Variants in TANC2 observed in about 807,000 individuals in gnomAD.
The protein encoded by TANC2 is tetratricopeptide repeat, ankyrin repeat and coiled-coil containing 2, also known as protein TANC2.
TANC2 carries 26 observed loss-of-function variants against 210.5 expected under a neutral mutation model. The observed-to-expected ratio is 0.12, with a 90% CI of 0.09 to 0.17. The LOEUF is 0.17. Among genes scored for constraint, TANC2 ranks in the 10% least tolerant of loss-of-function variants. TANC2 has a pLI of 1.00. For missense variants in TANC2, 2,129 were observed against 2,608.9 expected, an observed-to-expected ratio of 0.82 and a Z score of 4.01; for synonymous variants, 931 against 967.1, an observed-to-expected ratio of 0.96 and a Z score of 0.69.
rs1052113918 is a variant in TANC2 at position 62,983,301 on chromosome 17, G to A, written c.-24+16552G>A. Among the ~76,000 whole-genome samples the A allele has an allele frequency of 7.9e-5, 12 of 151,896 alleles. No individual in the cohort carries two copies. In the East Asian group the frequency reaches 1.2e-3, roughly 15 times the overall value. Reference sequence around the variant, plus strand: ...TATTTGTTTGAATTCGTTTGAATTCGTTTATTGAATTCGTTGATCAATTTT... The same window carrying A: ...TATTTGTTTGAATTCGTTTGAATTCATTTATTGAATTCGTTGATCAATTTT... On this transcript the variant is annotated intron_variant, in intron 1 of 27. Transcript: ENST00000689528.
chr17:63,348,434 C>A (rs2046487339), intron 12 of TANC2, among the ~76,000 whole-genome samples: 1 of 152,118 alleles, frequency 6.6e-6, no homozygotes, highest in Non-Finnish European at 1.5e-5. Context: ...CTTGGGAAAC[C>A]TTTTTAGTGA....
intron 1 of TANC2, among the ~76,000 whole-genome samples, chr17:62,987,917 C>T (rs944091841): frequency 1.3e-5 from 2 of 151,958 alleles, no homozygotes; most frequent in African/African-American, 2.4e-5. Context: ...TTGCCGTAGA[C>T]TTAATAGAAA....
At position 63,200,977 on chromosome 17, in the gene TANC2, G is replaced by A. The variant is rs759479827; in HGVS notation, c.769+20G>A. 1.6e-5 allele frequency: 26 copies of A among 1,577,866 alleles called. No individual in the cohort carries two copies. In the South Asian group the frequency reaches 2.9e-4, roughly 18 times the overall value. On this transcript the variant is annotated intron_variant, in intron 7 of 27. Transcript: ENST00000689528. Reference sequence around the variant, plus strand: ...TCATTGGTGAGTTGGTTTTTATATTGATAATTTTGTGTCCTTTTTTTCCTT... The same window carrying A: ...TCATTGGTGAGTTGGTTTTTATATTAATAATTTTGTGTCCTTTTTTTCCTT...
chr17:63,117,413 T>A (rs943739945), intron 4 of TANC2, among the ~76,000 whole-genome samples: 4 of 152,200 alleles, frequency 2.6e-5, no homozygotes, highest in Admixed American at 2.0e-4. Context: ...TCAACCAATC[T>A]AATGAAAAGA....
chr17:63,363,285 A>T (rs187146939), intron 14 of TANC2, among the ~76,000 whole-genome samples: 1 of 152,216 alleles, frequency 6.6e-6, no homozygotes, highest in Admixed American at 6.5e-5. Context: ...GTAGTTTGCA[A>T]GTATTTTCTT....
At chr17:63,414,837 G>A (rs1193452347) in intron 25 of TANC2, among the ~76,000 whole-genome samples, 2 of 152,204 alleles carry the variant, frequency 1.3e-5, no homozygotes, top group East Asian at 3.8e-4. Flanking sequence ...TGGAAGAAAA[G>A]TTCAAGGTCG....
intron 8 of TANC2, among the ~76,000 whole-genome samples, chr17:63,263,926 C>G (rs1353559909): frequency 6.6e-6 from 1 of 152,176 alleles, no homozygotes; most frequent in East Asian, 1.9e-4. Context: ...GCTATTGGTA[C>G]AATAATGCTG....
chr17:63,226,773 G>A (rs2042338695), intron 7 of TANC2, among the ~76,000 whole-genome samples: 2 of 151,958 alleles, frequency 1.3e-5, no homozygotes, highest in Non-Finnish European at 2.9e-5. Context: ...TCCCTGACAG[G>A]CCCCAGTGGT....
chr17:63,183,006 A>G (rs1476090947), intron 5 of TANC2, among the ~76,000 whole-genome samples: 1 of 152,240 alleles, frequency 6.6e-6, no homozygotes, highest in Non-Finnish European at 1.5e-5. Context: ...GTATTTATAA[A>G]CAGCTCATTG....
intron 11 of TANC2, among the ~76,000 whole-genome samples, chr17:63,319,498 G>A (rs1056997521): frequency 6.6e-6 from 1 of 152,032 alleles, no homozygotes; most frequent in Admixed American, 6.6e-5. Flanking sequence ...CTACAGGTGC[G>A]TGCCACCACA....
chr17:63,287,288 C>T (rs1220824510), intron 9 of TANC2, among the ~76,000 whole-genome samples: 1 of 152,096 alleles, frequency 6.6e-6, no homozygotes, highest in Non-Finnish European at 1.5e-5. Context: ...CTTATAGCTT[C>T]CTTGTTCATA....
chr17:63,298,595 C>G (rs995736611), intron 9 of TANC2, among the ~76,000 whole-genome samples: 1 of 152,008 alleles, frequency 6.6e-6, no homozygotes, highest in Non-Finnish European at 1.5e-5. Context: ...TGTTTTGGAA[C>G]TAGATAGAAG....
At chr17:63,252,727 C>G (rs2043085927) in intron 8 of TANC2, among the ~76,000 whole-genome samples, 1 of 152,140 alleles carries the variant, frequency 6.6e-6, no homozygotes, top group Non-Finnish European at 1.5e-5. Context: ...GGATCTTACT[C>G]TTTTTTATGT....
intron 2 of TANC2, among the ~76,000 whole-genome samples, chr17:63,025,859 A>AAAT (rs1340336801): frequency 1.3e-4 from 19 of 147,652 alleles, no homozygotes; most frequent in African/African-American, 4.6e-4. Flanking sequence ...AAATAAAATA[A>AAAT]AAAATAAAAT....
chr17:63,275,487 A>G (rs1257813180), intron 9 of TANC2, among the ~76,000 whole-genome samples: 8 of 152,174 alleles, frequency 5.3e-5, no homozygotes. Context: ...TTCTGAAACA[A>G]TGAATCCTTT....
intron 8 of TANC2, among the ~76,000 whole-genome samples, chr17:63,266,759 G>A (rs2043541000): frequency 6.6e-6 from 1 of 152,138 alleles, no homozygotes; most frequent in African/African-American, 2.4e-5. Flanking sequence ...GCCATAAAAA[G>A]ATAATCTTAG....
intron 5 of TANC2, among the ~76,000 whole-genome samples, chr17:63,180,737 G>A (rs1322933158): frequency 6.6e-6 from 1 of 152,058 alleles, no homozygotes; most frequent in East Asian, 1.9e-4. Flanking sequence ...GAAAAAAGTA[G>A]GCAAAGGCCT....
At chr17:63,282,540 A>G (rs1034640784) in intron 9 of TANC2, among the ~76,000 whole-genome samples, 2 of 152,134 alleles carry the variant, frequency 1.3e-5, no homozygotes, top group Admixed American at 6.6e-5. Context: ...ATTGAATTCT[A>G]TCAAATATTT....
At chr17:63,424,769 A>G (rs1310712344) in exon 28 of TANC2, 1 of 152,230 alleles carries the variant, frequency 6.6e-6, no homozygotes, top group African/African-American at 2.4e-5. Context: ...TGTCTTCATT[A>G]GAAAATAGCA....
Sources: allele counts gnomAD v4.1 joint callset (sites outside exome capture counted in the v4.1 genomes callset), GRCh38; gene constraint gnomAD v4.1.1; transcripts MANE v1.5; gene names NCBI Gene and HGNC (gene_info 2026-07-23, HGNC 2026-07-21).